Variants in ADAMTS9 observed in about 807,000 individuals in gnomAD.
The protein encoded by ADAMTS9 is ADAM metallopeptidase with thrombospondin type 1 motif 9, also known as A disintegrin and metalloproteinase with thrombospondin motifs 9.
Under a neutral mutation model 257.1 loss-of-function variants are expected in ADAMTS9, and 107 were observed. That is an observed-to-expected ratio of 0.42 (90% CI 0.36 to 0.49). ADAMTS9 has a LOEUF of 0.49. Ranked by LOEUF, ADAMTS9 falls within the 20% of genes least tolerant of loss-of-function variation. The pLI is 0.03. For missense variants in ADAMTS9, 2,353 were observed against 2,469.1 expected (o/e 0.95, Z 1.00); for synonymous variants, 982 against 880.9 (o/e 1.11, Z -2.03).
At chr3:64,526,791 G>T (rs1041723889) in intron 38 of ADAMTS9, among the ~76,000 whole-genome samples, 1 of 152,170 alleles carries the variant, frequency 6.6e-6, no homozygotes, top group African/African-American at 2.4e-5. Flanking sequence ...CGGGTTTGCT[G>T]TAAAGGAGAT....
chr3:64,617,274 C>T (rs1486285378), intron 19 of ADAMTS9, among the ~76,000 whole-genome samples: 1 of 152,170 alleles, frequency 6.6e-6, no homozygotes, highest in Non-Finnish European at 1.5e-5. Flanking sequence ...TTGCCTTCGT[C>T]ACCATTTCCT....
At chr3:64,524,239 T>C (rs1575975761) in intron 38 of ADAMTS9, among the ~76,000 whole-genome samples, 1 of 152,248 alleles carries the variant, frequency 6.6e-6, no homozygotes, top group East Asian at 1.9e-4. Context: ...TCCATTTAAC[T>C]AGCAATTGAG....
At chr3:64,612,425 T>C (rs887791691) in intron 22 of ADAMTS9, among the ~76,000 whole-genome samples, 15 of 152,316 alleles carry the variant, frequency 9.8e-5, no homozygotes, top group Middle Eastern at 3.4e-3. Context: ...AATTCAGACA[T>C]GATTGGCAAT....
chr3:64,659,971 A>C (rs996165074), intron 3 of ADAMTS9, among the ~76,000 whole-genome samples: 1 of 152,210 alleles, frequency 6.6e-6, no homozygotes, highest in Non-Finnish European at 1.5e-5. Flanking sequence ...AAATTTTGAG[A>C]ATCACTAGTT....
At chr3:64,558,567 T>A (rs1047070472) in intron 30 of ADAMTS9, among the ~76,000 whole-genome samples, 2 of 152,054 alleles carry the variant, frequency 1.3e-5, no homozygotes, top group Non-Finnish European at 2.9e-5. Context: ...GTACAGAACA[T>A]CCCTGATGAC....
At position 64,622,446 on chromosome 3, in the gene ADAMTS9, G is replaced by A. The variant is rs759664813; in HGVS notation, c.2530C>T (p.Arg844Cys). Reference protein sequence around the residue: ...TAVERINSTDRIEQELLLQVL... With the variant: ...TAVERINSTDCIEQELLLQVL... ...TGAAGCAAAAGTTCTTGCTCAATGC[G>A]ATCTGTTGAGTTAATTCTTTCTACG... The change falls in exon 17 of 40, where the codon CGC becomes TGC. Residue 844 changes from arginine (R) to cysteine (C), a missense_variant. Around this residue, in one of 3 missense-constraint regions of ADAMTS9, gnomAD observed 1,402 missense variants for 1,441.4 expected, o/e 0.97. Transcript: ENST00000498707. 12 of 1,613,956 alleles carry A rather than the reference G, an allele frequency of 7.4e-6. No homozygotes were observed. The highest frequency in any genetic ancestry group is 9.3e-6 in the Non-Finnish European group (11 of 1,179,970).
chr3:64,604,347 GAA>G lies in ADAMTS9; in HGVS notation c.3475-18_3475-17del. ...ATTCACAGTCCTAGACGTGATGGGGGAAAAAAAAACAAAGTCACTTTCAAGTC... is the reference window on the plus strand; with the variant it reads ...ATTCACAGTCCTAGACGTGATGGGGGAAAAAAACAAAGTCACTTTCAAGTC... On this transcript the variant is annotated splice_polypyrimidine_tract_variant and intron_variant, in intron 23 of 39. Coordinates refer to ENST00000498707, the MANE Select transcript of ADAMTS9 (RefSeq NM_182920.2). 6.8e-7 allele frequency: 1 copy of G among 1,469,224 alleles called. No individual in the cohort carries two copies. The highest frequency in any genetic ancestry group is 2.2e-5 in the Admixed American group (1 of 46,162). The allele number at this position is 1,469,224 out of a possible 1,614,324, so 91.0% of individuals were successfully genotyped here. A position where few individuals can be genotyped will look rare whatever the true frequency, so the allele number is the denominator to read the frequency against.
At chr3:64,582,274 C>T (rs1190197606) in intron 28 of ADAMTS9, among the ~76,000 whole-genome samples, 1 of 152,106 alleles carries the variant, frequency 6.6e-6, no homozygotes, top group Non-Finnish European at 1.5e-5. Context: ...CAAGTTAATG[C>T]CACATATTTG....
intron 32 of ADAMTS9, among the ~76,000 whole-genome samples, chr3:64,544,819 G>C (rs1234561068): frequency 6.6e-6 from 1 of 152,134 alleles, no homozygotes; most frequent in African/African-American, 2.4e-5. Context: ...CCATCAGAGT[G>C]AACAGGCAAC....
At chr3:64,527,865 G>T (rs2082929026) in intron 38 of ADAMTS9, among the ~76,000 whole-genome samples, 1 of 152,132 alleles carries the variant, frequency 6.6e-6, no homozygotes, top group Non-Finnish European at 1.5e-5. Context: ...AGGCAGCCCA[G>T]GTCGAAACAT....
rs780827708 is a variant in ADAMTS9 at position 64,654,578 on chromosome 3, T to C, written c.1204A>G (p.Thr402Ala). 19 of 1,614,046 alleles carry C rather than the reference T, an allele frequency of 1.2e-5. No homozygotes were observed. The highest frequency in any genetic ancestry group is 3.3e-5 in the South Asian group (3 of 91,092). The change falls in exon 7 of 40, where the codon ACC becomes GCC. Residue 402 changes from threonine (T) to alanine (A), a missense_variant. Thr to Ala is a moderately conservative substitution (Grantham distance 58). Coordinates refer to ENST00000498707, the MANE Select transcript of ADAMTS9 (RefSeq NM_182920.2). ...DICRAHDKCD[T>A]LGLAELGTIC... ...ATACGCACAGAGAACTCACCTAAGG[T>C]ATCACATTTGTCGTGAGCTCTGCAG...
At chr3:64,564,042 G>A (rs2083478075) in intron 29 of ADAMTS9, among the ~76,000 whole-genome samples, 1 of 152,124 alleles carries the variant, frequency 6.6e-6, no homozygotes, top group African/African-American at 2.4e-5. Context: ...TGATGGTGGT[G>A]GTATGTGTAT....
chr3:64,534,811 G>A lies in ADAMTS9; in HGVS notation c.5614-1541C>T, dbSNP rs573482272. On this transcript the variant is annotated intron_variant, in intron 37 of 39. Coordinates refer to ENST00000498707, the MANE Select transcript of ADAMTS9 (RefSeq NM_182920.2). Reference sequence around the variant, plus strand: ...GGGAATGGTGCTGCTGTTGGCATCTGGCGGGTAGAGACCAAGGATGCTGCT... The same window carrying A: ...GGGAATGGTGCTGCTGTTGGCATCTAGCGGGTAGAGACCAAGGATGCTGCT... Among the ~76,000 whole-genome samples, 4 of 152,194 alleles carry A rather than the reference G, an allele frequency of 2.6e-5. No individual in the cohort carries two copies. In the South Asian group the frequency reaches 8.3e-4, roughly 32 times the overall value.
chr3:64,659,815 G>A (rs116591709), intron 3 of ADAMTS9, among the ~76,000 whole-genome samples: 3,103 of 152,080 alleles, frequency 0.02, 114 homozygotes, highest in African/African-American at 0.07. Context: ...CTCTTCTTGG[G>A]TTCTCCACAG....
chr3:64,557,104 TG>T (rs2083348405), intron 30 of ADAMTS9, among the ~76,000 whole-genome samples: 1 of 152,132 alleles, frequency 6.6e-6, no homozygotes, highest in Non-Finnish European at 1.5e-5. Context: ...GTGGTGTGAT[TG>T]GCAAAGGCTT....
intron 23 of ADAMTS9, 97 bp downstream of exon 23, chr3:64,606,863 C>T (rs2084564504): frequency 6.7e-7 from 1 of 1,500,830 alleles, no homozygotes; most frequent in Non-Finnish European, 9.1e-7. Flanking sequence ...TACTGACATA[C>T]TTATCTATGA....
rs1350506028 is a variant in ADAMTS9, at chr3:64,642,054, C to T, written c.1711-61G>A. 5 of 1,587,864 alleles carry T rather than the reference C, an allele frequency of 3.1e-6. No individual in the cohort carries two copies. In the African/African-American group the frequency reaches 5.4e-5, roughly 17 times the overall value. The stretch of plus-strand genomic sequence containing the variant: ...GCGCTGTGAGTTGTTACAGGACTGG[C>T]TGTCCTTTTAAACACACCATACTGT... On this transcript the variant is annotated intron_variant, in intron 11 of 39. Coordinates refer to ENST00000498707, the MANE Select transcript of ADAMTS9 (RefSeq NM_182920.2).
At chr3:64,655,389 T>C (rs2106959173) in intron 6 of ADAMTS9, among the ~76,000 whole-genome samples, 187 bp downstream of exon 6, 1 of 152,272 alleles carries the variant, frequency 6.6e-6, no homozygotes, top group Admixed American at 6.5e-5. Context: ...TACTAATACG[T>C]AGTGAGCAGA....
At chr3:64,589,103 A>C (rs1270409106) in intron 28 of ADAMTS9, 1 of 152,244 alleles carries the variant, frequency 6.6e-6, no homozygotes, top group Non-Finnish European at 1.5e-5. Flanking sequence ...GATATTCCTT[A>C]TAGTCAAAAT....
Sources: allele counts gnomAD v4.1 joint callset (sites outside exome capture counted in the v4.1 genomes callset), GRCh38; gene constraint gnomAD v4.1.1; regional missense constraint gnomAD v4.1.1; transcripts MANE v1.5; gene names NCBI Gene and HGNC (gene_info 2026-07-23, HGNC 2026-07-21).